Variants in SLC22A25 observed in about 807,000 individuals in gnomAD.
SLC22A25 encodes solute carrier family 22 member 25.
SLC22A25 carries 44 observed loss-of-function variants against 45.9 expected under a neutral mutation model. The observed-to-expected ratio is 0.96, with a 90% CI of 0.75 to 1.23. The LOEUF is 1.23. Among genes scored for constraint, SLC22A25 ranks in the 50% most tolerant of loss-of-function variants. SLC22A25 has a pLI of 0.00. For missense variants in SLC22A25, 800 were observed against 666.4 expected (o/e 1.20, Z -2.21); for synonymous variants, 283 against 238.6 (o/e 1.19, Z -1.72).
At chr11:63,224,345 G>A (rs2089913587) in intron 5 of SLC22A25, among the ~76,000 whole-genome samples, 1 of 151,948 alleles carries the variant, frequency 6.6e-6, no homozygotes, top group African/African-American at 2.4e-5. Flanking sequence ...TGCATTTCTT[G>A]TAGGCAACAG....
At chr11:63,215,400 G>A (rs1268915920) in intron 7 of SLC22A25, among the ~76,000 whole-genome samples, 3 of 152,150 alleles carry the variant, frequency 2.0e-5, no homozygotes, top group African/African-American at 7.2e-5. Flanking sequence ...CATGGACACA[G>A]GGAGGGGAAT....
intron 7 of SLC22A25, among the ~76,000 whole-genome samples, chr11:63,198,067 G>A (rs1056656140): frequency 6.6e-6 from 1 of 152,180 alleles, no homozygotes; most frequent in Admixed American, 6.5e-5. Flanking sequence ...TAAAAAGTCA[G>A]GAAACCACAG....
intron 7 of SLC22A25, among the ~76,000 whole-genome samples, chr11:63,203,281 G>A (rs1386462322): frequency 6.6e-6 from 1 of 152,008 alleles, no homozygotes; most frequent in East Asian, 1.9e-4. Flanking sequence ...TGGCAGCAAG[G>A]GAACAAAACT....
intron 7 of SLC22A25, among the ~76,000 whole-genome samples, chr11:63,200,897 C>A (rs183140249): frequency 1.8e-4 from 27 of 152,244 alleles, no homozygotes; most frequent in African/African-American, 6.5e-4. Flanking sequence ...TGAATGAACA[C>A]CCATTCACAA....
At chr11:63,167,908 C>T (rs944235468) in intron 9 of SLC22A25, 8 of 385,106 alleles carry the variant, frequency 2.1e-5, no homozygotes, top group Non-Finnish European at 4.1e-5. Flanking sequence ...ACACTTCATA[C>T]AGGAGAGCTC....
At chr11:63,235,035 G>A (rs1403639662) in intron 3 of SLC22A25, among the ~76,000 whole-genome samples, 1 of 152,186 alleles carries the variant, frequency 6.6e-6, no homozygotes, top group Non-Finnish European at 1.5e-5. Context: ...TTCCCTGTGG[G>A]TAACCTGACC....
intron 7 of SLC22A25, among the ~76,000 whole-genome samples, chr11:63,194,889 GC>G (rs1565091149): frequency 8.4e-4 from 12 of 14,314 alleles, no homozygotes; most frequent in Non-Finnish European, 1.3e-3. Flanking sequence ...CAAATGGAAA[GC>G]AAAAAAAAAA....
At chr11:63,209,564 G>A (rs2089502419) in intron 7 of SLC22A25, among the ~76,000 whole-genome samples, 1 of 152,230 alleles carries the variant, frequency 6.6e-6, no homozygotes, top group South Asian at 2.1e-4. Flanking sequence ...AGGCAGCTGG[G>A]CACCTCTGCT....
intron 9 of SLC22A25, chr11:63,166,607 A>T: frequency 9.7e-7 from 1 of 1,028,090 alleles, no homozygotes; most frequent in Non-Finnish European, 1.2e-6. Flanking sequence ...AAAATATACA[A>T]TTAAAAATAA....
intron 9 of SLC22A25, 34 bp from the exon 10 acceptor site, chr11:63,166,292 A>G (rs756971190): frequency 1.9e-5 from 31 of 1,609,146 alleles, no homozygotes; most frequent in Non-Finnish European, 4.2e-6. Context: ...ACATATTATA[A>G]TCTGTGGAAC....
At chr11:63,166,792 GA>G (rs1565059677) in intron 9 of SLC22A25, 1 of 984,296 alleles carries the variant, frequency 1.0e-6, no homozygotes, top group African/African-American at 1.7e-5. Context: ...ATTAGAATAA[GA>G]AAACCTATTT....
intron 7 of SLC22A25, among the ~76,000 whole-genome samples, chr11:63,185,573 A>C (rs567504399): frequency 8.7e-5 from 13 of 148,912 alleles, no homozygotes; most frequent in African/African-American, 2.7e-4. Flanking sequence ...TTTAAGTTTT[A>C]GGGTACATGT....
chr11:63,172,525 CAT>C (rs1472168565), intron 9 of SLC22A25, among the ~76,000 whole-genome samples: 1 of 151,996 alleles, frequency 6.6e-6, no homozygotes, highest in African/African-American at 2.4e-5. Context: ...GGCCAACAAA[CAT>C]ATGAAAAAAA....
chr11:63,201,394 C>T (rs1268066085), intron 7 of SLC22A25, among the ~76,000 whole-genome samples: 2 of 152,146 alleles, frequency 1.3e-5, no homozygotes, highest in East Asian at 3.8e-4. Flanking sequence ...CTGACAAAAA[C>T]AAGCAATGGG....
At chr11:63,239,306 T>G (rs779515236) in intron 1 of SLC22A25, among the ~76,000 whole-genome samples, 171 bp from the exon 2 acceptor site, 1 of 152,200 alleles carries the variant, frequency 6.6e-6, no homozygotes, top group African/African-American at 2.4e-5. Context: ...GGGGATTAGA[T>G]AGCAATTTTT....
rs1565091135 is a variant in SLC22A25, at chr11:63,194,889, G to GAAAAAAAA, written c.831-11073_831-11072insTTTTTTTT. Among the ~76,000 whole-genome samples the GAAAAAAAA allele has an allele frequency of 5.6e-4, 8 of 14,314 alleles. 1 individual carries two copies. The highest frequency in any genetic ancestry group is 9.9e-4 in the Non-Finnish European group (7 of 7,062). The allele number at this position is 14,314 out of a possible 152,430, so 9.4% of individuals were successfully genotyped here. The stretch of plus-strand genomic sequence containing the variant: ...GGAAAATCTACCAAGCAAATGGAAA[G>GAAAAAAAA]CAAAAAAAAAAAAAAAAAAAAAAAA... On this transcript the variant is annotated intron_variant, in intron 7 of 11. Coordinates refer to ENST00000306494, the MANE Select transcript of SLC22A25 (RefSeq NM_199352.6).
At chr11:63,192,373 A>G (rs1280997335) in intron 7 of SLC22A25, among the ~76,000 whole-genome samples, 1 of 152,232 alleles carries the variant, frequency 6.6e-6, no homozygotes, top group Non-Finnish European at 1.5e-5. Flanking sequence ...ATTACCAGCC[A>G]TTACAAAAAC....
chr11:63,229,554 A>G lies in SLC22A25; in HGVS notation c.99T>C (p.His33=). 3 of 1,614,072 alleles carry G rather than the reference A, an allele frequency of 1.9e-6. No individual in the cohort carries two copies. Among genetic ancestry groups the G allele is most frequent in the Non-Finnish European group, 8.5e-7 (1 of 1,179,978 alleles). The change falls in exon 4 of 12, where the codon CAT becomes CAC. Residue 33 remains histidine, a synonymous_variant. Coordinates refer to ENST00000306494, the MANE Select transcript of SLC22A25 (RefSeq NM_199352.6). ...CTGCGAAGTTCTCCAGCTGAGTTTGATGGTATACTATGACGTTGAACATTA... is the reference window on the plus strand; with the variant it reads ...CTGCGAAGTTCTCCAGCTGAGTTTGGTGGTATACTATGACGTTGAACATTA... ...FLIMFNVIVY[H]QTQLENFAAF...
Position 63,243,425 on chromosome 11 carries a change from A to G in SLC22A25, c.-996+9T>C. The G allele has an allele frequency of 1.4e-6, 1 of 740,636 alleles. No homozygotes were observed. The highest frequency in any genetic ancestry group is 2.4e-4 in the Middle Eastern group (1 of 4,172). The allele number at this position is 740,636 out of a possible 1,614,324, so 45.9% of individuals were successfully genotyped here. A position where few individuals can be genotyped will look rare whatever the true frequency, so the allele number is the denominator to read the frequency against. On this transcript the variant is annotated intron_variant, in intron 1 of 11. Transcript: ENST00000306494. ...TGAAGAAAAGGTTTTCCCTCTGGCC[A>G]CGATTTACCTGGACTGTTTCTTCGC...
Sources: allele counts gnomAD v4.1 joint callset (sites outside exome capture counted in the v4.1 genomes callset), GRCh38; gene constraint gnomAD v4.1.1; transcripts MANE v1.5; gene names NCBI Gene and HGNC (gene_info 2026-07-23, HGNC 2026-07-21).